Variants in DENND4A observed in about 807,000 individuals in gnomAD.
DENND4A encodes the protein C-myc promoter-binding protein.
A neutral mutation model predicts 199.3 loss-of-function variants in DENND4A; 70 were observed. That is an observed-to-expected ratio of 0.35 (90% CI 0.29 to 0.43). The LOEUF is 0.43. Ranked by LOEUF, DENND4A falls within the 20% of genes least tolerant of loss-of-function variation. The pLI is 1.00. For synonymous variants in DENND4A, 686 were observed against 766.9 expected (o/e 0.89, Z 1.74); for missense variants, 1,723 against 2,255.8 (o/e 0.76, Z 4.78).
chr15:65,750,359 G>A (rs748995040), intron 4 of DENND4A, among the ~76,000 whole-genome samples: 32 of 152,172 alleles, frequency 2.1e-4, no homozygotes, highest in African/African-American at 5.3e-4. Flanking sequence ...GGAAAGCAAC[G>A]GCTGATAAAC....
At chr15:65,689,355 G>T (rs531375668) in intron 23 of DENND4A, among the ~76,000 whole-genome samples, 20 of 152,022 alleles carry the variant, frequency 1.3e-4, no homozygotes, top group Admixed American at 1.3e-3. Context: ...CTATGTTCCT[G>T]TCTCTTGGCA....
intron 23 of DENND4A, among the ~76,000 whole-genome samples, chr15:65,683,442 T>G (rs181379799): frequency 1.3e-5 from 2 of 152,298 alleles, no homozygotes; most frequent in African/African-American, 4.8e-5. Flanking sequence ...TTTGTTCTTT[T>G]TTTCTAGTTT....
At chr15:65,754,501 G>C (rs1244675019) in intron 3 of DENND4A, among the ~76,000 whole-genome samples, 1 of 152,094 alleles carries the variant, frequency 6.6e-6, no homozygotes, top group Non-Finnish European at 1.5e-5. Context: ...AGAACCTACA[G>C]AAAATATTTG....
chr15:65,728,445 CA>C (rs1303226750), intron 11 of DENND4A, among the ~76,000 whole-genome samples: 1 of 151,598 alleles, frequency 6.6e-6, no homozygotes, highest in Non-Finnish European at 1.5e-5. Context: ...TTTCTAACCT[CA>C]ATTTCCCTTT....
chr15:65,682,626 T>A (rs2076618774), intron 23 of DENND4A, among the ~76,000 whole-genome samples: 1 of 152,232 alleles, frequency 6.6e-6, no homozygotes, highest in Non-Finnish European at 1.5e-5. Context: ...TCAAGAACTT[T>A]CCCTTTGCAT....
chr15:65,672,696 G>A (rs1397145905), intron 24 of DENND4A, among the ~76,000 whole-genome samples: 1 of 151,806 alleles, frequency 6.6e-6, no homozygotes, highest in Admixed American at 6.6e-5. Context: ...AAGAACAATA[G>A]GATATTAGTA....
At chr15:65,771,254 C>T (rs2077116846) in intron 1 of DENND4A, 2 of 1,591,526 alleles carry the variant, frequency 1.3e-6, no homozygotes, top group Non-Finnish European at 1.7e-6. Flanking sequence ...CCTTCGGAGT[C>T]GATCACCACG....
At chr15:65,715,263 A>G (rs1407742969) in intron 14 of DENND4A, 1 of 407,980 alleles carries the variant, frequency 2.5e-6, no homozygotes, top group East Asian at 5.0e-5. Flanking sequence ...AAAACTTATG[A>G]TTACAATTAC....
intron 20 of DENND4A, among the ~76,000 whole-genome samples, chr15:65,697,602 A>C (rs1175594433): frequency 6.6e-6 from 1 of 152,220 alleles, no homozygotes; most frequent in Non-Finnish European, 1.5e-5. Context: ...ATCTTGAAAT[A>C]ATTTACTCTT....
At chr15:65,750,522 T>A (rs997225743) in intron 4 of DENND4A, among the ~76,000 whole-genome samples, 5 of 151,860 alleles carry the variant, frequency 3.3e-5, no homozygotes, top group Non-Finnish European at 5.9e-5. Flanking sequence ...TACAAAAAAA[T>A]TCAAATTAAA....
intron 12 of DENND4A, among the ~76,000 whole-genome samples, chr15:65,721,002 A>G (rs1344617755): frequency 1.1e-5 from 1 of 88,520 alleles, no homozygotes; most frequent in African/African-American, 4.0e-5. Context: ...TTGCAGAGAC[A>G]AGGTTTCAGC....
In DENND4A at chr15:65,737,771, T is replaced by C. The variant is rs1359675764; in HGVS notation, c.976A>G (p.Arg326Gly). 1.9e-6 allele frequency: 3 copies of C among 1,593,452 alleles called. No individual in the cohort carries two copies. The highest frequency in any genetic ancestry group is 2.3e-5 in the East Asian group (1 of 44,242). The change falls in exon 7 of 33, where the codon AGG (arginine) becomes GGG (glycine). Residue 326 changes from arginine to glycine, a missense_variant. By Grantham distance (125) the Arg-to-Gly change is moderately radical (BLOSUM62 -2). Transcript: ENST00000443035. ...CGATACAGAAAAGTCAGAAACTTCCTGAATGCATCAAAAAAAGGCCAGTGA... is the reference window on the plus strand; with the variant it reads ...CGATACAGAAAAGTCAGAAACTTCCCGAATGCATCAAAAAAAGGCCAGTGA... ...LSHWPFFDAF[R>G]KFLTFLYRYS... is the part of the protein sequence containing the mutation.
chr15:65,662,727 A>G (rs865896944), intron 32 of DENND4A, among the ~76,000 whole-genome samples: 22 of 152,372 alleles, frequency 1.4e-4, no homozygotes, highest in Admixed American at 2.6e-4. Context: ...GGTATGAATT[A>G]TAACAATGTC....
At chr15:65,767,792 T>C (rs759075501) in intron 1 of DENND4A, among the ~76,000 whole-genome samples, 2 of 152,074 alleles carry the variant, frequency 1.3e-5, no homozygotes, top group South Asian at 2.1e-4. Context: ...AAAACATATA[T>C]ATTAAAGTTA....
At chr15:65,767,866 G>A (rs1310809701) in intron 1 of DENND4A, among the ~76,000 whole-genome samples, 1 of 152,126 alleles carries the variant, frequency 6.6e-6, no homozygotes, top group Non-Finnish European at 1.5e-5. Flanking sequence ...ACAACTGTGA[G>A]GGAAAGGGAA....
chr15:65,677,429 T>TTAC (rs1327960392), intron 23 of DENND4A, among the ~76,000 whole-genome samples: 1 of 152,106 alleles, frequency 6.6e-6, no homozygotes, highest in East Asian at 1.9e-4. Context: ...AGGCTAGTCT[T>TTAC]TACTCCTGAC....
At position 65,660,897 on chromosome 15, in the gene DENND4A, T is replaced by G. The variant is rs958626923; in HGVS notation, c.*954A>C. ...AGTATAATTTGCATCATACCCAATA[T>G]TTTAGATATTAAAATAAGGGTAAAA... is the stretch of plus-strand genomic sequence containing the variant. On this transcript the variant is annotated 3_prime_UTR_variant, in exon 33 of 33. Coordinates refer to ENST00000443035, the MANE Select transcript of DENND4A (RefSeq NM_001320835.1). 32 of 152,188 alleles carry G rather than the reference T, an allele frequency of 2.1e-4. No individual in the cohort carries two copies. Among genetic ancestry groups the G allele is most frequent in the African/African-American group, 7.5e-4 (31 of 41,448 alleles). 9.4% of individuals were successfully genotyped at this position (152,188 alleles called of 1,614,324 possible). A position where few individuals can be genotyped will look rare whatever the true frequency, so the allele number is the denominator to read the frequency against.
In DENND4A at chr15:65,660,035, C is replaced by T; in HGVS notation, c.*1816G>A. ...GGTTCTCTTGGAGGGATGTTTATCA[C>T]CAGTGCCAAAAGCCTCCCCCCTCTG... On this transcript the variant is annotated 3_prime_UTR_variant, in exon 33 of 33. Coordinates refer to ENST00000443035, the MANE Select transcript of DENND4A (RefSeq NM_001320835.1). 1 of 420,280 alleles carries T rather than the reference C, an allele frequency of 2.4e-6. No homozygotes were observed. The highest frequency in any genetic ancestry group is 4.3e-6 in the Non-Finnish European group (1 of 235,048). The allele number at this position is 420,280 out of a possible 1,614,324, so 26.0% of individuals were successfully genotyped here.
intron 7 of DENND4A, among the ~76,000 whole-genome samples, chr15:65,733,810 G>T (rs530683422): frequency 2.6e-4 from 39 of 152,314 alleles, no homozygotes; most frequent in Non-Finnish European, 2.9e-5. Context: ...TCTGAAACAT[G>T]TGCTGTGTCA....
Sources: gnomAD v4.1 joint callset for allele counts (sites outside exome capture counted in the v4.1 genomes callset) on GRCh38, gnomAD v4.1.1 for gene constraint, MANE v1.5 for transcripts, NCBI Gene and HGNC (gene_info 2026-07-23, HGNC 2026-07-21) for gene names.